RIMS2: variants seen among roughly 807,000 people sequenced by gnomAD.
The protein encoded by RIMS2 is regulating synaptic membrane exocytosis 2, also known as regulating synaptic membrane exocytosis protein 2.
In RIMS2, 59 loss-of-function variants were observed where a neutral mutation model predicts 174.4. The observed-to-expected ratio is 0.34, with a 90% CI of 0.27 to 0.42. The LOEUF (loss-of-function observed/expected upper bound fraction) is 0.42, where lower values mean the gene tolerates loss of function less well. RIMS2 is among the 10% of genes least tolerant of loss of function. The pLI is 1.00. For missense variants in RIMS2, 1,620 were observed against 1,666.3 expected (o/e 0.97, Z 0.48); for synonymous variants, 606 against 572.5 (o/e 1.06, Z -0.84).
intron 17 of RIMS2, among the ~76,000 whole-genome samples, chr8:103,999,253 A>G (rs2095279122): frequency 6.6e-6 from 1 of 151,788 alleles, no homozygotes; most frequent in South Asian, 2.1e-4. Context: ...ATTTATAAGT[A>G]TTTTATTTAT....
At chr8:103,746,512 G>A (rs1420702767) in intron 2 of RIMS2, among the ~76,000 whole-genome samples, 1 of 152,040 alleles carries the variant, frequency 6.6e-6, no homozygotes, top group Non-Finnish European at 1.5e-5. Context: ...AGGTAAATTT[G>A]TGTCAGGGGG....
intron 3 of RIMS2, among the ~76,000 whole-genome samples, chr8:103,782,542 A>T (rs1312831111): frequency 6.6e-6 from 1 of 152,016 alleles, no homozygotes; most frequent in South Asian, 2.1e-4. Flanking sequence ...TGGTTAAAGA[A>T]TGTATGCAGT....
chr8:104,184,362 G>T (rs928654754), intron 19 of RIMS2, among the ~76,000 whole-genome samples: 4 of 151,322 alleles, frequency 2.6e-5, no homozygotes, highest in African/African-American at 9.7e-5. Context: ...TTATTCTTAA[G>T]GTATCTATAC....
chr8:103,574,188 A>T (rs1051393498), intron 1 of RIMS2, among the ~76,000 whole-genome samples: 1 of 152,110 alleles, frequency 6.6e-6, no homozygotes, highest in Non-Finnish European at 1.5e-5. Flanking sequence ...GACCTAAGAG[A>T]TATCACTTAC....
chr8:104,185,632 C>A lies in RIMS2; in HGVS notation c.3335-59284C>A, dbSNP rs150137805. Among the ~76,000 whole-genome samples the A allele has an allele frequency of 4.6e-3, 692 of 151,608 alleles. 7 individuals carry two copies. The highest frequency in any genetic ancestry group is 0.016 in the African/African-American group (650 of 41,458). On this transcript the variant is annotated intron_variant, in intron 19 of 23. Transcript: ENST00000504942. ...ACAAATGGCTAACAGATATATGAGACAATGCTCATTATCATTATCACTAGT... is the reference window on the plus strand; with the variant it reads ...ACAAATGGCTAACAGATATATGAGAAAATGCTCATTATCATTATCACTAGT...
At chr8:104,090,828 A>T (rs2129689582) in intron 19 of RIMS2, among the ~76,000 whole-genome samples, 1 of 151,948 alleles carries the variant, frequency 6.6e-6, no homozygotes, top group East Asian at 1.9e-4. Context: ...TCTTGGATAT[A>T]TGTAAAAATA....
chr8:103,923,062 T>C (rs1353287584), intron 10 of RIMS2, among the ~76,000 whole-genome samples: 4 of 152,020 alleles, frequency 2.6e-5, no homozygotes, highest in African/African-American at 9.7e-5. Flanking sequence ...TTTTCAAGTC[T>C]ACAAAATAAG....
chr8:104,224,841 T>C (rs911386354), intron 19 of RIMS2, among the ~76,000 whole-genome samples: 4 of 152,350 alleles, frequency 2.6e-5, no homozygotes, highest in Middle Eastern at 3.4e-3. Flanking sequence ...GTCTGGAAAG[T>C]TGTCTTCAAA....
At chr8:104,063,458 TAAAGG>T (rs1367712250) in intron 19 of RIMS2, among the ~76,000 whole-genome samples, 1 of 152,154 alleles carries the variant, frequency 6.6e-6, no homozygotes, top group African/African-American at 2.4e-5. Context: ...TTAGCTCAAT[TAAAGG>T]AAAGATTTTT....
At chr8:104,053,221 A>C in intron 19 of RIMS2, among the ~76,000 whole-genome samples, 1 of 152,176 alleles carries the variant, frequency 6.6e-6, no homozygotes, top group East Asian at 1.9e-4. Flanking sequence ...ACCACACAAC[A>C]TGTTGCATTG....
chr8:104,202,201 T>C (rs568738802), intron 19 of RIMS2, among the ~76,000 whole-genome samples: 26 of 152,314 alleles, frequency 1.7e-4, no homozygotes, highest in African/African-American at 6.0e-4. Flanking sequence ...ACTGAAAGCA[T>C]GATACTCAGA....
At chr8:104,255,819 A>G (rs1373804740), downstream of RIMS2, 1 of 152,018 alleles carries the variant, frequency 6.6e-6, no homozygotes, top group Non-Finnish European at 1.5e-5. Flanking sequence ...GGACTGTGAA[A>G]TGTGTATTGA....
chr8:103,637,689 C>T (rs1270785234), intron 1 of RIMS2, among the ~76,000 whole-genome samples: 1 of 152,116 alleles, frequency 6.6e-6, no homozygotes, highest in African/African-American at 2.4e-5. Context: ...ACAATTTACA[C>T]AATTACAGTG....
At chr8:104,223,978 T>C (rs1284197385) in intron 19 of RIMS2, among the ~76,000 whole-genome samples, 1 of 152,236 alleles carries the variant, frequency 6.6e-6, no homozygotes, top group Non-Finnish European at 1.5e-5. Flanking sequence ...CTTGGTTATT[T>C]GGAGAGCTCC....
At chr8:103,715,626 A>G (rs1009069747) in intron 2 of RIMS2, among the ~76,000 whole-genome samples, 1 of 152,160 alleles carries the variant, frequency 6.6e-6, no homozygotes, top group Non-Finnish European at 1.5e-5. Context: ...AAAGGAGTTT[A>G]CTTTGTAGTG....
In RIMS2 at chr8:103,791,042, C is replaced by T. The variant is rs146813290; in HGVS notation, c.698+24505C>T. On this transcript the variant is annotated intron_variant, in intron 3 of 23. Transcript: ENST00000504942. ...ACTTTCCCAACCTAGCAAGGCAGGC[C>T]AACATTCAAATTCAGGAAATACAGA... Among the ~76,000 whole-genome samples, 935 of 152,162 alleles carry T rather than the reference C, an allele frequency of 6.1e-3. 12 individuals carry two copies. The highest frequency in any genetic ancestry group is 0.021 in the African/African-American group (885 of 41,492).
intron 19 of RIMS2, chr8:104,094,358 T>G (rs1307459426): frequency 7.3e-6 from 4 of 550,786 alleles, no homozygotes; most frequent in Non-Finnish European, 3.2e-6. Context: ...AAAGATATAA[T>G]TTTTACTTAT....
rs761294034 is a variant in RIMS2 at position 104,249,858 on chromosome 8, A to G, written c.3691+270A>G. On this transcript the variant is annotated intron_variant, in intron 22 of 23. Transcript: ENST00000504942. ...AAAAACCACCCCACTTAGATCATTC[A>G]TTTTGTCACACCATGTACACAAGGA... 2.0e-4 allele frequency among the ~76,000 whole-genome samples: 31 copies of G among 152,182 alleles called. 1 individual carries two copies. The highest frequency in any genetic ancestry group is 2.6e-4 in the Non-Finnish European group (18 of 68,038).
intron 2 of RIMS2, among the ~76,000 whole-genome samples, chr8:103,706,214 AT>A (rs2097222954): frequency 6.6e-6 from 1 of 152,126 alleles, no homozygotes; most frequent in Non-Finnish European, 1.5e-5. Flanking sequence ...CTTTAGCTTC[AT>A]TTCCCCATTT....
Sources: gnomAD v4.1 joint callset for allele counts (sites outside exome capture counted in the v4.1 genomes callset) on GRCh38, gnomAD v4.1.1 for gene constraint, MANE v1.5 for transcripts, NCBI Gene and HGNC (gene_info 2026-07-23, HGNC 2026-07-21) for gene names.